The following EVC variants were observed in gnomAD, a reference collection of about 807,000 sequenced individuals.
EVC encodes the protein evC complex member EVC.
Under a neutral mutation model 118.9 loss-of-function variants are expected in EVC, and 116 were observed. The observed-to-expected ratio is 0.98, with a 90% confidence interval of 0.84 to 1.14. The LOEUF (loss-of-function observed/expected upper bound fraction) is 1.14. Ranked by LOEUF, EVC falls within the 50% of genes most tolerant of loss-of-function variation. The pLI is 0.00. For synonymous variants in EVC, 619 were observed against 534.7 expected (o/e 1.16, Z -2.18); for missense variants, 1,401 against 1,246.4 (o/e 1.12, Z -1.87).
chr4:5,734,288 G>C (rs187015157), intron 5 of EVC, among the ~76,000 whole-genome samples: 6 of 152,292 alleles, frequency 3.9e-5, no homozygotes, highest in African/African-American at 1.4e-4. Context: ...CTAGAAACAG[G>C]TGGACAGACA....
chr4:5,809,584 C>G lies in EVC; in HGVS notation c.2755C>G (p.Leu919Val). Residue 919 changes from leucine to valine, a missense_variant, in exon 19 of 21, where the codon CTG becomes GTG. By Grantham distance (32) the Leu-to-Val change is conservative (BLOSUM62 1). Coordinates refer to ENST00000264956, the MANE Select transcript of EVC (RefSeq NM_153717.3). ...LARVPLAESKLLPAKRGLLEK... is the reference protein window; with the variant it reads ...LARVPLAESKVLPAKRGLLEK... ...CCGAGTGCCCCTTGCTGAAAGCAAA[C>G]TGTTGCCTGCTAAGCGTGGGCTGCT... The G allele has an allele frequency of 1.2e-6, 2 of 1,614,222 alleles. No homozygotes were observed. The highest frequency in any genetic ancestry group is 1.7e-6 in the Non-Finnish European group (2 of 1,180,048).
chr4:5,723,191 CTTT>C (rs542977317), intron 2 of EVC, among the ~76,000 whole-genome samples: 5 of 140,732 alleles, frequency 3.6e-5, no homozygotes, highest in Non-Finnish European at 4.6e-5. Flanking sequence ...TCCTTTCCTT[CTTT>C]TTTTTTTTTT....
At chr4:5,741,358 C>T (rs1306880062) in intron 5 of EVC, among the ~76,000 whole-genome samples, 1 of 152,208 alleles carries the variant, frequency 6.6e-6, no homozygotes, top group African/African-American at 2.4e-5. Context: ...CCCGCTGATT[C>T]TTTCTTCAAA....
intron 5 of EVC, among the ~76,000 whole-genome samples, chr4:5,739,531 A>G (rs997590781): frequency 1.3e-5 from 2 of 152,352 alleles, no homozygotes; most frequent in African/African-American, 4.8e-5. Context: ...TAATACATAC[A>G]TTAGGCTGGC....
chr4:5,766,131 T>C (rs1265419314), intron 11 of EVC, among the ~76,000 whole-genome samples: 1 of 144,314 alleles, frequency 6.9e-6, no homozygotes, highest in Admixed American at 6.8e-5. Flanking sequence ...TTTGCTTGTC[T>C]GTAAAGTATT....
At chr4:5,792,758 A>G (rs1470574496) in intron 12 of EVC, among the ~76,000 whole-genome samples, 3 of 152,190 alleles carry the variant, frequency 2.0e-5, no homozygotes, top group African/African-American at 7.2e-5. Flanking sequence ...ATCCCAAACC[A>G]GTAGATTTCC....
chr4:5,728,520 C>G (rs113617156), intron 2 of EVC, among the ~76,000 whole-genome samples: 13,742 of 151,944 alleles, frequency 0.09, 574 homozygotes, highest in Middle Eastern at 0.13. Flanking sequence ...CGTCTGCAAA[C>G]AGGGACAATT....
In EVC at chr4:5,813,548, G is replaced by A. The variant is rs1409592246; in HGVS notation, c.*2511G>A. ...TTGTCACATGGGCCCTCTGCACAGA[G>A]TCCGATGGCTCCTCCCGGGGAAGCC... On this transcript the variant is annotated 3_prime_UTR_variant, in exon 21 of 21. Coordinates refer to ENST00000264956, the MANE Select transcript of EVC (RefSeq NM_153717.3). The A allele has an allele frequency of 2.0e-5, 3 of 152,200 alleles. No homozygotes were observed. The highest frequency in any genetic ancestry group is 7.2e-5 in the African/African-American group (3 of 41,432). 9.4% of individuals were successfully genotyped at this position (152,200 alleles called of 1,614,324 possible). A position where few individuals can be genotyped will look rare whatever the true frequency, so the allele number is the denominator to read the frequency against.
At chr4:5,723,088 C>T (rs918280823) in intron 2 of EVC, among the ~76,000 whole-genome samples, 5 of 152,190 alleles carry the variant, frequency 3.3e-5, no homozygotes, top group Non-Finnish European at 1.5e-5. Context: ...TGGAGCCTTC[C>T]TGCCAGCTGG....
intron 8 of EVC, among the ~76,000 whole-genome samples, chr4:5,751,894 G>A (rs1400450194): frequency 6.6e-6 from 1 of 152,226 alleles, no homozygotes; most frequent in African/African-American, 2.4e-5. Context: ...GGACCAGGCA[G>A]GTGTGCAGGA....
chr4:5,744,379 C>T (rs1209577990), intron 6 of EVC, among the ~76,000 whole-genome samples: 2 of 152,102 alleles, frequency 1.3e-5, no homozygotes, highest in Admixed American at 6.5e-5. Flanking sequence ...GAACCTTGAC[C>T]CATGCCACAC....
chr4:5,738,661 G>T lies in EVC; in HGVS notation c.703-3055G>T, dbSNP rs1034955897. ...AACTCACTGCAAACTTTGCCTCCCA[G>T]ATTCAAGTGATTCTCCCGCCTCAGC... On this transcript the variant is annotated intron_variant, in intron 5 of 20. Transcript: ENST00000264956. This position sits in a 1 kb window ranked among gnomAD's most constrained non-coding sequence, Gnocchi z 6.5. Among the ~76,000 whole-genome samples, 2 of 151,042 alleles carry T rather than the reference G, an allele frequency of 1.3e-5. No individual in the cohort carries two copies. Among genetic ancestry groups the T allele is most frequent in the Admixed American group, 1.3e-4 (2 of 15,170 alleles).
rs1294633111 is a variant in EVC at position 5,745,338 on chromosome 4, T to C, written c.936T>C (p.Asp312=). The C allele has an allele frequency of 6.2e-7, 1 of 1,613,778 alleles. No individual in the cohort carries two copies. The highest frequency in any genetic ancestry group is 1.7e-5 in the Admixed American group (1 of 60,008). Residue 312 remains aspartate, a synonymous_variant, in exon 7 of 21, where the codon GAT becomes GAC. Transcript: ENST00000264956. The stretch of plus-strand genomic sequence containing the variant: ...GAGAATACTCTGAACAGCTAATCGA[T>C]AATGTGCGTGCCAGACTTTCTTTCC... The part of the protein sequence containing the change: ...KEREYSEQLI[D]NMEAFWKQMA...
rs536557397 is a variant in EVC, at chr4:5,782,457, A to C, written c.1564-1095A>C. Among the ~76,000 whole-genome samples the C allele has an allele frequency of 3.4e-5, 4 of 116,748 alleles. No homozygotes were observed. In the South Asian group the frequency reaches 1.1e-3, roughly 31 times the overall value. 76.6% of individuals were successfully genotyped at this position (116,748 alleles called of 152,430 possible). On this transcript the variant is annotated intron_variant, in intron 11 of 20. Transcript: ENST00000264956. ...CGCCCAGGCTGGAGTGCAGTGGCGC[A>C]ATCTCGGCTCACAGCAAGCTCCACC...
At chr4:5,771,860 C>G (rs886988430) in intron 11 of EVC, among the ~76,000 whole-genome samples, 1 of 152,056 alleles carries the variant, frequency 6.6e-6, no homozygotes, top group South Asian at 2.1e-4. Context: ...TTTACAGTAA[C>G]CAGCTAACGG....
intron 11 of EVC, among the ~76,000 whole-genome samples, chr4:5,766,942 G>A (rs929712493): frequency 2.6e-5 from 4 of 151,892 alleles, no homozygotes; most frequent in Non-Finnish European, 4.4e-5. Flanking sequence ...CGTTGCTGGT[G>A]AGGAACTGCA....
chr4:5,797,418 C>T lies in EVC; in HGVS notation c.2097+186C>T, dbSNP rs201237752. On this transcript the variant is annotated intron_variant, in intron 14 of 20. Coordinates refer to ENST00000264956, the MANE Select transcript of EVC (RefSeq NM_153717.3). ...GGGCAGCTTACACTGCACACATTTC[C>T]CTGCTCACCATCCTGGAGGCCAGAA... is the stretch of plus-strand genomic sequence containing the variant. The T allele has an allele frequency of 1.6e-4, 98 of 629,268 alleles. No individual in the cohort carries two copies. The East Asian group carries it at 2.7e-3, about 17-fold the overall frequency. The allele number at this position is 629,268 out of a possible 1,614,324, so 39.0% of individuals were successfully genotyped here.
At position 5,800,878 on chromosome 4, in the gene EVC, A is replaced by G. The variant is rs571332449; in HGVS notation, c.2305-1072A>G. On this transcript the variant is annotated intron_variant, in intron 15 of 20. Transcript: ENST00000264956. ...CGCGCCGCGCCACACCTGTGTGCTC[A>G]GGTACCTTTCTCAGATGCTGTGGTG... Among the ~76,000 whole-genome samples the G allele has an allele frequency of 2.2e-4, 33 of 152,306 alleles. No individual in the cohort carries two copies. In the Middle Eastern group the frequency reaches 0.01, roughly 47 times the overall value.
At chr4:5,827,177 C>G in the EVC span, among the ~76,000 whole-genome samples, 4 of 152,324 alleles carry the variant, frequency 2.6e-5, 1 homozygote, top group South Asian at 4.1e-4. Context: ...GATATCTGCC[C>G]TCACGGAAGC....
Sources: gnomAD v4.1 joint callset for allele counts (sites outside exome capture counted in the v4.1 genomes callset) on GRCh38, gnomAD v4.1.1 for gene constraint, Gnocchi (gnomAD v3.1) non-coding constraint, MANE v1.5 for transcripts, NCBI Gene and HGNC (gene_info 2026-07-23, HGNC 2026-07-21) for gene names.